The following CTNNA3 variants were observed in gnomAD, a reference collection of about 807,000 sequenced individuals.
CTNNA3 encodes the protein catenin alpha 3.
Under a neutral mutation model 95.7 loss-of-function variants are expected in CTNNA3, and 76 were observed. That is an observed-to-expected ratio of 0.79 (90% CI 0.66 to 0.96). The LOEUF is 0.96. Among genes scored for constraint, CTNNA3 ranks in the 40% least tolerant of loss-of-function variants. CTNNA3 has a pLI of 0.00. For missense variants in CTNNA3, 1,191 were observed against 1,089.8 expected, an observed-to-expected ratio of 1.09 and a Z score of -1.31; for synonymous variants, 431 against 374.4, an observed-to-expected ratio of 1.15 and a Z score of -1.74.
intron 5 of CTNNA3, among the ~76,000 whole-genome samples, chr10:67,499,281 G>A (rs1021079822): frequency 3.6e-4 from 55 of 152,192 alleles, no homozygotes; most frequent in Admixed American, 9.8e-4. Context: ...CAGGTATGAA[G>A]CCGACTTGAT....
At chr10:66,571,550 C>T (rs547981516) in intron 10 of CTNNA3, among the ~76,000 whole-genome samples, 1 of 152,218 alleles carries the variant, frequency 6.6e-6, no homozygotes, top group African/African-American at 2.4e-5. Context: ...AAGCCCAGTT[C>T]AAGAAAACAC....
At chr10:66,731,354 T>C (rs1391325722) in intron 9 of CTNNA3, among the ~76,000 whole-genome samples, 1 of 152,214 alleles carries the variant, frequency 6.6e-6, no homozygotes, top group Non-Finnish European at 1.5e-5. Context: ...TTAGCACATT[T>C]AAGTCAAAGC....
intron 10 of CTNNA3, among the ~76,000 whole-genome samples, chr10:66,585,253 C>T (rs1458305842): frequency 6.6e-6 from 1 of 151,976 alleles, no homozygotes; most frequent in East Asian, 1.9e-4. Flanking sequence ...GGGAAGTTTT[C>T]CTCCCTGGAA....
At chr10:66,282,704 G>T (rs1160905240) in intron 12 of CTNNA3, among the ~76,000 whole-genome samples, 1 of 151,612 alleles carries the variant, frequency 6.6e-6, no homozygotes, top group Non-Finnish European at 1.5e-5. Flanking sequence ...CTTATGAATG[G>T]CACCTGCTCT....
At chr10:66,529,190 G>A (rs1841372144) in intron 10 of CTNNA3, among the ~76,000 whole-genome samples, 2 of 151,872 alleles carry the variant, frequency 1.3e-5, no homozygotes, top group African/African-American at 4.8e-5. Flanking sequence ...ATGCAATGGT[G>A]CGATCTTGGC....
intron 11 of CTNNA3, among the ~76,000 whole-genome samples, chr10:66,423,547 C>T (rs2093213976): frequency 6.6e-6 from 1 of 152,122 alleles, no homozygotes; most frequent in Non-Finnish European, 1.5e-5. Flanking sequence ...GAACCAGAAA[C>T]ATTCCAACCC....
At chr10:67,372,997 A>C (rs1327260893) in intron 5 of CTNNA3, among the ~76,000 whole-genome samples, 2 of 152,214 alleles carry the variant, frequency 1.3e-5, no homozygotes, top group Non-Finnish European at 2.9e-5. Flanking sequence ...GGAAAGGAAC[A>C]ACCGGTACCA....
Position 66,602,264 on chromosome 10 carries a change from T to C in CTNNA3, c.1374+19428A>G, listed in dbSNP as rs192613644. ...TAAACATCCTACTACAAATGACATT[T>C]CATTTCAGCCTCACATTTAAAATGA... On this transcript the variant is annotated intron_variant, in intron 10 of 17. Transcript: ENST00000433211. Among the ~76,000 whole-genome samples the C allele has an allele frequency of 3.6e-3, 541 of 152,080 alleles. 1 individual carries two copies. The highest frequency in any genetic ancestry group is 0.027 in the Middle Eastern group (8 of 294).
chr10:67,165,289 CTG>C (rs1194897094), intron 7 of CTNNA3, among the ~76,000 whole-genome samples: 6 of 151,940 alleles, frequency 3.9e-5, no homozygotes, highest in African/African-American at 1.2e-4. Flanking sequence ...TTATAAAACA[CTG>C]TATAATAACA....
At chr10:66,998,652 CA>C (rs1448568557) in intron 7 of CTNNA3, among the ~76,000 whole-genome samples, 6 of 151,948 alleles carry the variant, frequency 3.9e-5, no homozygotes, top group Non-Finnish European at 7.4e-5. Context: ...AAGGAATCAG[CA>C]AAAAATATAG....
chr10:66,293,780 G>A (rs1165740144), intron 12 of CTNNA3, among the ~76,000 whole-genome samples: 2 of 150,452 alleles, frequency 1.3e-5, no homozygotes, highest in Middle Eastern at 3.4e-3. Context: ...ATTCTCCTGC[G>A]TCAGCCTCCC....
chr10:66,266,808 CATT>C (rs1253814772), intron 13 of CTNNA3, among the ~76,000 whole-genome samples: 1 of 151,984 alleles, frequency 6.6e-6, no homozygotes. Flanking sequence ...TTGTTAGTAT[CATT>C]ATTAGTATTA....
chr10:67,079,626 G>A (rs1344711289), intron 7 of CTNNA3, among the ~76,000 whole-genome samples: 4 of 152,072 alleles, frequency 2.6e-5, no homozygotes, highest in Non-Finnish European at 5.9e-5. Flanking sequence ...AAGGTGGGCA[G>A]ATCACAAGGT....
intron 7 of CTNNA3, among the ~76,000 whole-genome samples, chr10:66,892,749 G>C (rs59109058): frequency 6.6e-6 from 1 of 152,018 alleles, no homozygotes; most frequent in Non-Finnish European, 1.5e-5. Flanking sequence ...AATAACTAAC[G>C]TTATGGAATA....
At chr10:66,525,840 A>C (rs1841238005) in intron 10 of CTNNA3, among the ~76,000 whole-genome samples, 1 of 152,240 alleles carries the variant, frequency 6.6e-6, no homozygotes, top group South Asian at 2.1e-4. Context: ...AGTAAGCTCT[A>C]TTATACTTTC....
chr10:67,344,913 T>C (rs557215842), intron 5 of CTNNA3, among the ~76,000 whole-genome samples: 3 of 151,966 alleles, frequency 2.0e-5, no homozygotes, highest in Non-Finnish European at 2.9e-5. Flanking sequence ...ACTTTTCCAG[T>C]TCTTTAAAAT....
intron 13 of CTNNA3, among the ~76,000 whole-genome samples, chr10:66,216,417 T>C (rs914450886): frequency 6.6e-6 from 1 of 152,212 alleles, no homozygotes; most frequent in Admixed American, 6.5e-5. Context: ...CCATAGTAAA[T>C]GTTTCTTTCT....
chr10:67,322,649 GTC>G (rs910040523), intron 5 of CTNNA3, among the ~76,000 whole-genome samples: 1 of 152,116 alleles, frequency 6.6e-6, no homozygotes. Flanking sequence ...TTTATTCCAT[GTC>G]TTTGCTATTG....
intron 7 of CTNNA3, among the ~76,000 whole-genome samples, chr10:66,895,054 C>CAAAAAAAAAAAAAAA (rs537843933): frequency 8.7e-5 from 10 of 115,582 alleles, no homozygotes; most frequent in East Asian, 2.4e-4. Context: ...AACAAATAAA[C>CAAAAAAAAAAAAAAA]AAAAAAAAAA....
Sources: allele counts gnomAD v4.1 joint callset (sites outside exome capture counted in the v4.1 genomes callset), GRCh38; gene constraint gnomAD v4.1.1; transcripts MANE v1.5; gene names NCBI Gene and HGNC (gene_info 2026-07-23, HGNC 2026-07-21).